GRM1: variants seen among roughly 807,000 people sequenced by gnomAD.
The protein encoded by GRM1 is glutamate metabotropic receptor 1, also known as metabotropic glutamate receptor 1.
In GRM1, 33 loss-of-function variants were observed where a neutral mutation model predicts 90.9. The ratio of observed to expected loss-of-function variants is 0.36; its 90% CI spans 0.28 to 0.49. The LOEUF (loss-of-function observed/expected upper bound fraction) is 0.49. GRM1 is among the 20% of genes least tolerant of loss of function. The pLI is 0.99. For missense variants in GRM1, 1,190 were observed against 1,534.3 expected, an observed-to-expected ratio of 0.78 and a Z score of 3.75; for synonymous variants, 700 against 613.2, an observed-to-expected ratio of 1.14 and a Z score of -2.09.
At chr6:146,425,900 T>C (rs1356848256) in intron 7 of GRM1, among the ~76,000 whole-genome samples, 1 of 152,190 alleles carries the variant, frequency 6.6e-6, no homozygotes, top group East Asian at 1.9e-4. Context: ...TAGCTAGTTC[T>C]CTTCTCCATC....
At chr6:146,279,650 T>G (rs546559335) in intron 2 of GRM1, among the ~76,000 whole-genome samples, 24 of 152,328 alleles carry the variant, frequency 1.6e-4, no homozygotes, top group African/African-American at 5.5e-4. Context: ...TTATGTTTAA[T>G]TCTGTTGTGG....
At chr6:146,113,604 C>T (rs999513652) in intron 1 of GRM1, among the ~76,000 whole-genome samples, 1 of 152,064 alleles carries the variant, frequency 6.6e-6, no homozygotes, top group Admixed American at 6.6e-5. Flanking sequence ...TGCAGTACAG[C>T]GTTTTTTGAA....
Position 146,208,350 on chromosome 6 carries a change from AT to A in GRM1, c.950+48760del, listed in dbSNP as rs564171870. Reference sequence around the variant, plus strand: ...GATGTTTCTATTGAAAAAAATGTATATTTTTTTCTGTGTATAATGTAGTTTG... The same window carrying A: ...GATGTTTCTATTGAAAAAAATGTATATTTTTTCTGTGTATAATGTAGTTTG... On this transcript the variant is annotated intron_variant, in intron 2 of 7. Transcript: ENST00000282753. 4.6e-5 allele frequency among the ~76,000 whole-genome samples: 7 copies of A among 152,142 alleles called. 1 individual carries two copies. The South Asian group carries it at 1.0e-3, about 23-fold the overall frequency.
At chr6:146,390,771 T>C (rs1175492144) in intron 6 of GRM1, among the ~76,000 whole-genome samples, 1 of 152,034 alleles carries the variant, frequency 6.6e-6, no homozygotes, top group East Asian at 1.9e-4. Context: ...AATTAAGCAA[T>C]GTCTATATCC....
intron 1 of GRM1, among the ~76,000 whole-genome samples, chr6:146,114,910 G>T (rs1196828155): frequency 6.6e-6 from 1 of 152,036 alleles, no homozygotes; most frequent in Non-Finnish European, 1.5e-5. Flanking sequence ...CAAGTTTGTT[G>T]TTCAGTGATC....
chr6:146,396,662 C>T (rs562094368), intron 6 of GRM1, among the ~76,000 whole-genome samples: 1 of 151,846 alleles, frequency 6.6e-6, no homozygotes, highest in South Asian at 2.1e-4. Context: ...ACAAAAAAGA[C>T]CCATAAAATA....
At chr6:146,190,597 A>G (rs559379861) in intron 2 of GRM1, among the ~76,000 whole-genome samples, 89 of 152,330 alleles carry the variant, frequency 5.8e-4, no homozygotes, top group African/African-American at 2.0e-3. Context: ...TTTACTGCAC[A>G]GTTGAAGTAA....
At position 146,387,749 on chromosome 6, in the gene GRM1, G is replaced by A. The variant is rs534218052; in HGVS notation, c.1729+733G>A. ...GTGGTCAGAAATGAGAATAGACAAG[G>A]ACACTGATGGGATGGCAGAGTGCTT... On this transcript the variant is annotated intron_variant, in intron 6 of 7. Transcript: ENST00000282753. 3.7e-4 allele frequency among the ~76,000 whole-genome samples: 56 copies of A among 152,154 alleles called. 1 individual carries two copies. In the South Asian group the frequency reaches 0.011, roughly 30 times the overall value.
At chr6:146,162,429 A>T (rs895930545) in intron 2 of GRM1, among the ~76,000 whole-genome samples, 1 of 152,146 alleles carries the variant, frequency 6.6e-6, no homozygotes. Flanking sequence ...TACCATCAAA[A>T]CATATTCAGA....
At chr6:146,160,257 A>G (rs1777675632) in intron 2 of GRM1, among the ~76,000 whole-genome samples, 1 of 152,232 alleles carries the variant, frequency 6.6e-6, no homozygotes, top group African/African-American at 2.4e-5. Flanking sequence ...ATCTTGTCAC[A>G]TTTATGAGAT....
At chr6:146,098,648 C>A (rs1238430617) in intron 1 of GRM1, among the ~76,000 whole-genome samples, 1 of 151,806 alleles carries the variant, frequency 6.6e-6, no homozygotes, top group Non-Finnish European at 1.5e-5. Flanking sequence ...GTGTCCCCAA[C>A]CAAGTCTCAT....
At chr6:146,247,668 T>C (rs1055658527) in intron 2 of GRM1, among the ~76,000 whole-genome samples, 4 of 149,506 alleles carry the variant, frequency 2.7e-5, no homozygotes, top group African/African-American at 9.9e-5. Context: ...GGAGAATCAT[T>C]AGGACCCGGG....
Position 146,436,582 on chromosome 6 carries a change from C to T in GRM1, c.*1786C>T, listed in dbSNP as rs896168591. 6.6e-6 allele frequency: 1 copy of T among 152,154 alleles called. No homozygotes were observed. Among genetic ancestry groups the T allele is most frequent in the East Asian group, 1.9e-4 (1 of 5,198 alleles). The allele number at this position is 152,154 out of a possible 1,614,324, so 9.4% of individuals were successfully genotyped here. ...ATTTTTATGTTCATGGACTTTTATT[C>T]CTGTGTCTTGGCTGTCATAACTTTT... On this transcript the variant is annotated 3_prime_UTR_variant, in exon 8 of 8. Coordinates refer to ENST00000282753, the MANE Select transcript of GRM1 (RefSeq NM_001278064.2).
chr6:146,194,381 A>G (rs565469125), intron 2 of GRM1, among the ~76,000 whole-genome samples: 1 of 152,244 alleles, frequency 6.6e-6, no homozygotes, highest in Non-Finnish European at 1.5e-5. Context: ...TTAAGCCTTC[A>G]AATCAATGAC....
chr6:146,262,191 AGTTT>A (rs1404745901), intron 2 of GRM1, among the ~76,000 whole-genome samples: 4 of 152,030 alleles, frequency 2.6e-5, no homozygotes, highest in Admixed American at 1.3e-4. Flanking sequence ...TGTGAAAAAC[AGTTT>A]GTTGTTATCT....
intron 6 of GRM1, among the ~76,000 whole-genome samples, chr6:146,388,044 G>C (rs889957780): frequency 5.3e-5 from 8 of 152,068 alleles, no homozygotes; most frequent in African/African-American, 1.9e-4. Flanking sequence ...GAGTTTGTAA[G>C]TTTCCTAAGA....
At chr6:146,277,876 A>T (rs1471907299) in intron 2 of GRM1, among the ~76,000 whole-genome samples, 2 of 152,290 alleles carry the variant, frequency 1.3e-5, no homozygotes, top group Admixed American at 6.5e-5. Context: ...AATTAATAAT[A>T]TCACTTCAGA....
In GRM1 at chr6:146,311,770, G is replaced by A. The variant is rs149581879; in HGVS notation, c.1186+6924G>A. On this transcript the variant is annotated intron_variant, in intron 3 of 7. Coordinates refer to ENST00000282753, the MANE Select transcript of GRM1 (RefSeq NM_001278064.2). ...GAGTAACAGCATGAACTTACAAATT[G>A]TGAAAAAAAATACTTTTGGTTTCGT... Among the ~76,000 whole-genome samples the A allele has an allele frequency of 4.3e-3, 660 of 152,002 alleles. 2 individuals carry two copies. Among genetic ancestry groups the A allele is most frequent in the Non-Finnish European group, 6.8e-3 (463 of 67,988 alleles).
intron 1 of GRM1, among the ~76,000 whole-genome samples, chr6:146,150,553 T>G (rs1583074377): frequency 6.6e-6 from 1 of 152,210 alleles, no homozygotes; most frequent in Non-Finnish European, 1.5e-5. Flanking sequence ...GATCATTTCT[T>G]TGTTAGGAAG....
Sources: allele counts gnomAD v4.1 joint callset (sites outside exome capture counted in the v4.1 genomes callset), GRCh38; gene constraint gnomAD v4.1.1; transcripts MANE v1.5; gene names NCBI Gene and HGNC (gene_info 2026-07-23, HGNC 2026-07-21).